The following CNGB1 variants were observed in gnomAD, a reference collection of about 807,000 sequenced individuals.
CNGB1 encodes the protein cyclic nucleotide-gated channel beta-1.
In CNGB1, 126 loss-of-function variants were observed where a neutral mutation model predicts 151.7. That is an observed-to-expected ratio of 0.83 (90% CI 0.72 to 0.96). The LOEUF (loss-of-function observed/expected upper bound fraction) is 0.96. CNGB1 is among the 40% of genes least tolerant of loss of function. CNGB1 has a pLI of 0.00. For missense variants in CNGB1, 1,698 were observed against 1,627.0 expected, an observed-to-expected ratio of 1.04 and a Z score of -0.75; for synonymous variants, 623 against 635.1, an observed-to-expected ratio of 0.98 and a Z score of 0.29.
chr16:57,897,955 A>G lies in CNGB1; in HGVS notation c.2977-41T>C, dbSNP rs765123305. ...GACAAGTCCCTCTGTTCATCCCCCA[A>G]AGTCACCAGAGAAGCAGCCAGGGCT... On this transcript the variant is annotated intron_variant, in intron 29 of 32. Transcript: ENST00000251102. 3.8e-6 allele frequency: 6 copies of G among 1,588,024 alleles called. No individual in the cohort carries two copies. The South Asian group carries it at 4.4e-5, about 12-fold the overall frequency.
chr16:57,955,728 G>A (rs762276060), intron 12 of CNGB1, among the ~76,000 whole-genome samples: 4 of 152,152 alleles, frequency 2.6e-5, no homozygotes, highest in Non-Finnish European at 5.9e-5. Context: ...CAGACACAGA[G>A]GTAAAGGCTG....
intron 29 of CNGB1, among the ~76,000 whole-genome samples, chr16:57,900,335 C>T (rs1487896716): frequency 6.6e-6 from 1 of 152,218 alleles, no homozygotes; most frequent in Non-Finnish European, 1.5e-5. Flanking sequence ...CACTGCTGCA[C>T]AGCATATAAC....
chr16:57,905,334 G>GT, intron 25 of CNGB1, among the ~76,000 whole-genome samples: 1 of 151,620 alleles, frequency 6.6e-6, no homozygotes, highest in South Asian at 2.1e-4. Context: ...TTTCTGACCC[G>GT]CCCCTACCCG....
At chr16:57,954,813 G>T in intron 12 of CNGB1, 1 of 990,506 alleles carries the variant, frequency 1.0e-6, no homozygotes, top group Non-Finnish European at 1.2e-6. Context: ...TCCTGTCGAG[G>T]TGCTGACGGT....
intron 31 of CNGB1, among the ~76,000 whole-genome samples, chr16:57,892,289 G>C (rs751224961): frequency 1.3e-5 from 2 of 152,048 alleles, no homozygotes; most frequent in Admixed American, 6.6e-5. Flanking sequence ...GTGAGGAGGC[G>C]AATTTGCAAA....
At chr16:57,885,557 C>CCTCTCTCTCTCTTTCTCTCTCTCTCT (rs1959897506) in intron 32 of CNGB1, among the ~76,000 whole-genome samples, 1 of 97,622 alleles carries the variant, frequency 1.0e-5, no homozygotes, top group South Asian at 4.4e-4. Context: ...TTCCTTCCTT[C>CCTCTCTCTCTCTTTCTCTCTCTCTCT]CTCTCTCTCT....
intron 4 of CNGB1, chr16:57,963,814 T>TAATG (rs1962322703): frequency 4.8e-6 from 2 of 418,906 alleles, no homozygotes; most frequent in Admixed American, 7.3e-5. Context: ...GCTAACAGTC[T>TAATG]AATGAATGAA....
At chr16:57,901,681 A>G in intron 27 of CNGB1, 56 bp from the exon 28 acceptor site, 1 of 1,452,462 alleles carries the variant, frequency 6.9e-7, no homozygotes, top group Non-Finnish European at 9.6e-7. Flanking sequence ...CCCCAGACAT[A>G]CATACCGGCC....
At chr16:57,893,746 C>G (rs1340491200) in intron 31 of CNGB1, among the ~76,000 whole-genome samples, 1 of 152,094 alleles carries the variant, frequency 6.6e-6, no homozygotes, top group Non-Finnish European at 1.5e-5. Flanking sequence ...GCAGAGGTTA[C>G]AGTGAGCCAG....
Position 57,919,113 on chromosome 16 carries a change from A to G in CNGB1, c.1943T>C (p.Ile648Thr). 4 of 1,614,154 alleles carry G rather than the reference A, an allele frequency of 2.5e-6. No homozygotes were observed. The highest frequency in any genetic ancestry group is 2.2e-5 in the East Asian group (1 of 44,874). Residue 648 changes from isoleucine (I) to threonine (T), a missense_variant, in exon 20 of 33, where the codon ATT becomes ACT. Transcript: ENST00000251102. Reference sequence around the variant, plus strand: ...CCAGGACTCACTGGTCAGCGGGTCAATGCTCTGGGGAAACTGGTACTTCTT... The same window carrying G: ...CCAGGACTCACTGGTCAGCGGGTCAGTGCTCTGGGGAAACTGGTACTTCTT... Reference protein sequence around the residue: ...PWKKYQFPQSIDPLTNLMYVL... With the variant: ...PWKKYQFPQSTDPLTNLMYVL...
At chr16:57,957,707 G>T (rs1962126329) in intron 11 of CNGB1, among the ~76,000 whole-genome samples, 1 of 152,198 alleles carries the variant, frequency 6.6e-6, no homozygotes, top group Admixed American at 6.5e-5. Flanking sequence ...CTCTCTCTGG[G>T]GCCTAGACAG....
At position 57,929,818 on chromosome 16, in the gene CNGB1, C is replaced by T. The variant is rs189124259; in HGVS notation, c.1535+1898G>A. Among the ~76,000 whole-genome samples, 55 of 152,202 alleles carry T rather than the reference C, an allele frequency of 3.6e-4. No individual in the cohort carries two copies. In the East Asian group the frequency reaches 9.5e-3, roughly 26 times the overall value. On this transcript the variant is annotated intron_variant, in intron 17 of 32. Transcript: ENST00000251102. Reference sequence around the variant, plus strand: ...CCCTTGACACATGGGGATTAAAATTCGAGAGGAGATTTGGGTGGGGACACA... The same window carrying T: ...CCCTTGACACATGGGGATTAAAATTTGAGAGGAGATTTGGGTGGGGACACA...
At chr16:57,915,564 G>A (rs1391360189) in intron 22 of CNGB1, among the ~76,000 whole-genome samples, 1 of 152,204 alleles carries the variant, frequency 6.6e-6, no homozygotes, top group Non-Finnish European at 1.5e-5. Flanking sequence ...AGTGGCTGCT[G>A]TGCCATACAG....
chr16:57,949,794 T>A (rs1597005118), intron 13 of CNGB1, among the ~76,000 whole-genome samples: 1 of 152,278 alleles, frequency 6.6e-6, no homozygotes. Context: ...GATTGCGACA[T>A]CCCTGTGGAA....
At chr16:57,919,035 T>C in intron 20 of CNGB1, 64 bp downstream of exon 20, 4 of 1,611,678 alleles carry the variant, frequency 2.5e-6, no homozygotes, top group Non-Finnish European at 3.4e-6. Context: ...CCTCTCCCCA[T>C]CCCGCTCCAA....
intron 16 of CNGB1, among the ~76,000 whole-genome samples, chr16:57,934,564 C>T (rs1961451830): frequency 6.6e-6 from 1 of 152,162 alleles, no homozygotes; most frequent in Non-Finnish European, 1.5e-5. Context: ...TCAATGTGTC[C>T]CCGGGAACAT....
At chr16:57,932,781 C>T (rs1374242084) in intron 16 of CNGB1, among the ~76,000 whole-genome samples, 1 of 152,292 alleles carries the variant, frequency 6.6e-6, no homozygotes, top group East Asian at 1.9e-4. Context: ...CGGGTTTCAC[C>T]GTGTTAGCCA....
chr16:57,928,902 G>A (rs1221814301), intron 17 of CNGB1, among the ~76,000 whole-genome samples: 4 of 152,110 alleles, frequency 2.6e-5, no homozygotes, highest in Admixed American at 2.6e-4. Context: ...GCCTCCCAAA[G>A]TGCTGGGATT....
intron 18 of CNGB1, among the ~76,000 whole-genome samples, chr16:57,922,875 T>TC (rs1961082601): frequency 6.6e-6 from 1 of 151,858 alleles, no homozygotes; most frequent in African/African-American, 2.4e-5. Flanking sequence ...TTTTTTTTTT[T>TC]CTTTTTTCAC....
Sources: gnomAD v4.1 joint callset for allele counts (sites outside exome capture counted in the v4.1 genomes callset) on GRCh38, gnomAD v4.1.1 for gene constraint, MANE v1.5 for transcripts, NCBI Gene and HGNC (gene_info 2026-07-23, HGNC 2026-07-21) for gene names.